LPCAT1: variants seen among roughly 807,000 people sequenced by gnomAD.
The protein encoded by LPCAT1 is 1-acylglycerol-3-phosphate O-acyltransferase.
A neutral mutation model predicts 60.9 loss-of-function variants in LPCAT1; 23 were observed. The ratio of observed to expected loss-of-function variants is 0.38; its 90% CI spans 0.27 to 0.53. LPCAT1 has a LOEUF of 0.53. Ranked by LOEUF, LPCAT1 falls within the 20% of genes least tolerant of loss-of-function variation. The probability of loss-of-function intolerance (pLI) is 0.82; values close to 1 mark genes in which losing one functional copy is unlikely to be tolerated. For missense variants in LPCAT1, 622 were observed against 723.6 expected, an observed-to-expected ratio of 0.86 and a Z score of 1.61; for synonymous variants, 340 against 301.1, an observed-to-expected ratio of 1.13 and a Z score of -1.34.
Position 1,521,952 on chromosome 5 carries a change from A to C in LPCAT1, c.135+1758T>G, listed in dbSNP as rs1229209842. The stretch of plus-strand genomic sequence containing the variant: ...GGGCAGTGGGTGCACACTTTTGGAC[A>C]GAACACACCTCAACCGGGGGCTGCA... On this transcript the variant is annotated intron_variant, in intron 1 of 13. Transcript: ENST00000283415. This position sits in a 1 kb window ranked among gnomAD's most constrained non-coding sequence, Gnocchi z 4.3. Among the ~76,000 whole-genome samples the C allele has an allele frequency of 6.6e-6, 1 of 152,208 alleles. No homozygotes were observed. The highest frequency in any genetic ancestry group is 1.5e-5 in the Non-Finnish European group (1 of 68,036).
rs1457665124 is a variant in LPCAT1 at position 1,479,651 on chromosome 5, C to T, written c.786G>A (p.Leu262=). The change falls in exon 8 of 14, where the codon CTG becomes CTA. Residue 262 remains leucine, a synonymous_variant. Coordinates refer to ENST00000283415, the MANE Select transcript of LPCAT1 (RefSeq NM_024830.5). ...TTTCCACTTGGTTGTGAAACTGACA[C>T]AGCGTGAGCCACAGGATTTCCAGCC... ...PGALEILWLT[L]CQFHNQVEIE... The T allele has an allele frequency of 1.2e-6, 2 of 1,612,476 alleles. No homozygotes were observed. Among genetic ancestry groups the T allele is most frequent in the Non-Finnish European group, 1.7e-6 (2 of 1,178,588 alleles).
At chr5:1,466,026 T>A (rs1734384871) in intron 13 of LPCAT1, among the ~76,000 whole-genome samples, 1 of 152,146 alleles carries the variant, frequency 6.6e-6, no homozygotes. Context: ...TCGCGTGTCT[T>A]CTCGTTTGCT....
chr5:1,498,611 T>C (rs929906080), intron 2 of LPCAT1, among the ~76,000 whole-genome samples: 2 of 152,012 alleles, frequency 1.3e-5, no homozygotes, highest in African/African-American at 4.8e-5. Context: ...TGGACACCTG[T>C]ACACACGTAC....
chr5:1,484,903 C>G lies in LPCAT1; in HGVS notation c.668-1417G>C, dbSNP rs142917788. On this transcript the variant is annotated intron_variant, in intron 5 of 13. Transcript: ENST00000283415. Reference sequence around the variant, plus strand: ...AGCTCATGCAGTTCACCCAGCACTTCTGTGTGCCCAGGTGGACGGGTGGCT... The same window carrying G: ...AGCTCATGCAGTTCACCCAGCACTTGTGTGTGCCCAGGTGGACGGGTGGCT... 2.0e-4 allele frequency among the ~76,000 whole-genome samples: 30 copies of G among 152,310 alleles called. No homozygotes were observed. In the East Asian group the frequency reaches 5.4e-3, roughly 27 times the overall value.
rs774740117 is a variant in LPCAT1, at chr5:1,470,888, C to T, written c.1216G>A (p.Val406Ile). The T allele has an allele frequency of 2.9e-5, 47 of 1,613,364 alleles. No homozygotes were observed. The highest frequency in any genetic ancestry group is 3.4e-6 in the Non-Finnish European group (4 of 1,180,004). Residue 406 changes from valine to isoleucine, a missense_variant, in exon 12 of 14, where the codon GTT becomes ATT. Around this residue, in one of 3 missense-constraint regions of LPCAT1, gnomAD observed 288 missense variants for 283.6 expected, o/e 1.02. Transcript: ENST00000283415. ...GGCCGGCAGACGACAGACAGGGCAACCACACACTCTCGCAGGTCCACCTCG... is the reference window on the plus strand; with the variant it reads ...GGCCGGCAGACGACAGACAGGGCAATCACACACTCTCGCAGGTCCACCTCG... The part of the protein sequence containing the change: ...SGEVDLRECV[V>I]ALSVVCRPAR...
At chr5:1,475,298 G>A (rs561850667) in intron 9 of LPCAT1, among the ~76,000 whole-genome samples, 1 of 152,342 alleles carries the variant, frequency 6.6e-6, no homozygotes, top group South Asian at 2.1e-4. Context: ...GCTATCCACA[G>A]GAAAGGACAA....
At chr5:1,472,946 C>G (rs1485087539) in intron 11 of LPCAT1, among the ~76,000 whole-genome samples, 1 of 152,144 alleles carries the variant, frequency 6.6e-6, no homozygotes, top group African/African-American at 2.4e-5. Context: ...ACTCTGCATA[C>G]TTGCGGGGCA....
intron 2 of LPCAT1, among the ~76,000 whole-genome samples, chr5:1,501,230 C>G (rs1735990811): frequency 6.6e-6 from 1 of 152,166 alleles, no homozygotes; most frequent in South Asian, 2.1e-4. Context: ...CTGCAGACCC[C>G]TGGAAAATGA....
At chr5:1,493,705 G>A (rs932526956) in intron 3 of LPCAT1, among the ~76,000 whole-genome samples, 32 of 152,230 alleles carry the variant, frequency 2.1e-4, no homozygotes, top group African/African-American at 6.8e-4. Context: ...GGTCAGGGCT[G>A]CGCACAGGTG....
At position 1,480,861 on chromosome 5, in the gene LPCAT1, A is replaced by G. The variant is rs1286298967; in HGVS notation, c.761+81T>C. Reference sequence around the variant, plus strand: ...TGCTTTCACAACTGCAAAAGTAACTAGCGTGCACAGCAGACCCCAAGCAGC... The same window carrying G: ...TGCTTTCACAACTGCAAAAGTAACTGGCGTGCACAGCAGACCCCAAGCAGC... On this transcript the variant is annotated intron_variant, in intron 7 of 13. Transcript: ENST00000283415. This position sits in a 1 kb window ranked among gnomAD's most constrained non-coding sequence, Gnocchi z 6.4. 3.3e-6 allele frequency: 5 copies of G among 1,519,396 alleles called. No individual in the cohort carries two copies. The African/African-American group carries it at 6.9e-5, about 21-fold the overall frequency. The allele number at this position is 1,519,396 out of a possible 1,614,324, so 94.1% of individuals were successfully genotyped here. A position where few individuals can be genotyped will look rare whatever the true frequency, so the allele number is the denominator to read the frequency against.
chr5:1,488,933 C>T (rs1735468921), intron 4 of LPCAT1, among the ~76,000 whole-genome samples: 1 of 152,230 alleles, frequency 6.6e-6, no homozygotes, highest in African/African-American at 2.4e-5. Flanking sequence ...GAGCCGAGCC[C>T]CAGTCAGGCA....
At position 1,522,066 on chromosome 5, in the gene LPCAT1, G is replaced by A. The variant is rs1736693216; in HGVS notation, c.135+1644C>T. ...CAGGGAGCCAGGAGGGAGTAGGAAA[G>A]GCAGGAAGAGAGAGCATGCCTGAGG... On this transcript the variant is annotated intron_variant, in intron 1 of 13. Transcript: ENST00000283415. This position sits in a 1 kb window ranked among gnomAD's most constrained non-coding sequence, Gnocchi z 6.8. 6.6e-6 allele frequency among the ~76,000 whole-genome samples: 1 copy of A among 152,190 alleles called. No homozygotes were observed. The highest frequency in any genetic ancestry group is 1.5e-5 in the Non-Finnish European group (1 of 68,020).
chr5:1,506,306 G>A (rs1181826515), intron 1 of LPCAT1, among the ~76,000 whole-genome samples: 2 of 152,228 alleles, frequency 1.3e-5, no homozygotes, highest in South Asian at 2.1e-4. Flanking sequence ...GGGCCTGTGC[G>A]CTCTTTCTCT....
rs1243336916 is a variant in LPCAT1, at chr5:1,521,837, C to A, written c.135+1873G>T. ...CTGGGAGCAGCTTGCACCCTGAGGT[C>A]TCGGGGAGGAAAGCAGGCCCCTCTG... is the stretch of plus-strand genomic sequence containing the variant. On this transcript the variant is annotated intron_variant, in intron 1 of 13. Coordinates refer to ENST00000283415, the MANE Select transcript of LPCAT1 (RefSeq NM_024830.5). This position sits in a 1 kb window ranked among gnomAD's most constrained non-coding sequence, Gnocchi z 4.3. Among the ~76,000 whole-genome samples, 2 of 152,354 alleles carry A rather than the reference C, an allele frequency of 1.3e-5. No individual in the cohort carries two copies. Among genetic ancestry groups the A allele is most frequent in the East Asian group, 3.9e-4 (2 of 5,186 alleles).
chr5:1,515,735 G>A (rs1736489353), intron 1 of LPCAT1, among the ~76,000 whole-genome samples: 1 of 151,966 alleles, frequency 6.6e-6, no homozygotes, highest in Non-Finnish European at 1.5e-5. Flanking sequence ...GCAAATACAG[G>A]GGGCCCCCCG....
At chr5:1,520,813 A>G (rs1018712256) in intron 1 of LPCAT1, among the ~76,000 whole-genome samples, 3 of 145,710 alleles carry the variant, frequency 2.1e-5, no homozygotes, top group Admixed American at 7.1e-5. Context: ...TAGTGAGCCG[A>G]TATCGCACCT....
chr5:1,514,497 C>T (rs1736446232), intron 1 of LPCAT1, among the ~76,000 whole-genome samples: 1 of 152,216 alleles, frequency 6.6e-6, no homozygotes, highest in African/African-American at 2.4e-5. Context: ...CTGCTCCGCA[C>T]TGGGGGACTC....
At chr5:1,498,838 T>TACAC (rs10674768) in intron 2 of LPCAT1, among the ~76,000 whole-genome samples, 13,305 of 152,228 alleles carry the variant, frequency 0.087, 702 homozygotes, top group African/African-American at 0.14. Context: ...GTGGCTCACA[T>TACAC]ACACACAGTA....
At chr5:1,511,703 A>G (rs546526444) in intron 1 of LPCAT1, among the ~76,000 whole-genome samples, 50 of 152,350 alleles carry the variant, frequency 3.3e-4, no homozygotes, top group African/African-American at 1.2e-3. Flanking sequence ...CTTCCTGCAG[A>G]CAGGGTCAGA....
Sources: gnomAD v4.1 joint callset for allele counts (sites outside exome capture counted in the v4.1 genomes callset) on GRCh38, gnomAD v4.1.1 for gene constraint, gnomAD v4.1.1 regional missense constraint, Gnocchi (gnomAD v3.1) non-coding constraint, MANE v1.5 for transcripts, NCBI Gene and HGNC (gene_info 2026-07-23, HGNC 2026-07-21) for gene names.